The following NCOA1 variants were observed in gnomAD, a reference collection of about 807,000 sequenced individuals.
NCOA1 encodes nuclear receptor coactivator 1.
Under a neutral mutation model 150.9 loss-of-function variants are expected in NCOA1, and 35 were observed. The ratio of observed to expected loss-of-function variants is 0.23; its 90% CI spans 0.18 to 0.31. The LOEUF (loss-of-function observed/expected upper bound fraction) is 0.31, where lower values mean the gene tolerates loss of function less well. Ranked by LOEUF, NCOA1 falls within the 10% of genes least tolerant of loss-of-function variation. The pLI is 1.00. For missense variants in NCOA1, 1,491 were observed against 1,749.3 expected, an observed-to-expected ratio of 0.85 and a Z score of 2.63; for synonymous variants, 590 against 630.0, an observed-to-expected ratio of 0.94 and a Z score of 0.95.
intron 3 of NCOA1, among the ~76,000 whole-genome samples, chr2:24,620,731 CAT>C (rs56376669): frequency 0.065 from 9,962 of 152,142 alleles, 352 homozygotes; most frequent in East Asian, 0.13. Flanking sequence ...CACTGGCTCA[CAT>C]GTATAAAAAT....
rs1405204419 is a variant in NCOA1 at position 24,726,620 on chromosome 2, T to A, written c.2631T>A (p.Asp877Glu). The change falls in exon 15 of 23, where the codon GAT becomes GAA. Residue 877 changes from aspartate (D) to glutamate (E), a missense_variant. Physicochemically the swap from Asp to Glu is conservative, Grantham distance 45. Coordinates refer to ENST00000348332, the MANE Select transcript of NCOA1 (RefSeq NM_003743.5). The stretch of plus-strand genomic sequence containing the variant: ...CTGAGCTGGAATTGGAAGCAATTGA[T>A]AACCAATTTGGACAACCAGGAACAG... ...RLPELELEAIDNQFGQPGTGD... is the reference protein window; with the variant it reads ...RLPELELEAIENQFGQPGTGD... 1.9e-6 allele frequency: 3 copies of A among 1,610,438 alleles called. No homozygotes were observed. The highest frequency in any genetic ancestry group is 2.5e-6 in the Non-Finnish European group (3 of 1,178,188).
Position 24,497,804 on chromosome 2 carries a change from C to G in NCOA1, c.-396+6202C>G, listed in dbSNP as rs10495748. Among the ~76,000 whole-genome samples, 821 of 152,266 alleles carry G rather than the reference C, an allele frequency of 5.4e-3. 11 individuals carry two copies. Among genetic ancestry groups the G allele is most frequent in the African/African-American group, 0.019 (793 of 41,532 alleles). Reference sequence around the variant, plus strand: ...GATTCTTAGCCATAAAATTCTGCCTCTCAAGTTTTGTTGGTATTTAAATAG... The same window carrying G: ...GATTCTTAGCCATAAAATTCTGCCTGTCAAGTTTTGTTGGTATTTAAATAG... On this transcript the variant is annotated intron_variant, in intron 1 of 22. Transcript: ENST00000348332.
At chr2:24,695,666 A>G (rs945147794) in intron 10 of NCOA1, among the ~76,000 whole-genome samples, 3 of 152,180 alleles carry the variant, frequency 2.0e-5, no homozygotes, top group African/African-American at 7.2e-5. Context: ...AAAAAAAGAA[A>G]AAAGTATTTT....
chr2:24,711,008 G>A lies in NCOA1; in HGVS notation c.2496G>A (p.Glu832=), dbSNP rs890292701. Reference sequence around the variant, plus strand: ...CAGCACAGTTGCCAGGCTTATGTGAGACAGACAGGATGGATGGTGCGGTCA... The same window carrying A: ...CAGCACAGTTGCCAGGCTTATGTGAAACAGACAGGATGGATGGTGCGGTCA... ...EKAAQLPGLC[E]TDRMDGAVTS... The change falls in exon 14 of 23, where the codon GAG becomes GAA. Residue 832 remains glutamate, a synonymous_variant. Coordinates refer to ENST00000348332, the MANE Select transcript of NCOA1 (RefSeq NM_003743.5). The A allele has an allele frequency of 3.1e-6, 5 of 1,614,182 alleles. No individual in the cohort carries two copies. The highest frequency in any genetic ancestry group is 4.2e-6 in the Non-Finnish European group (5 of 1,180,022).
At chr2:24,735,605 G>A (rs1164743082) in intron 17 of NCOA1, among the ~76,000 whole-genome samples, 1 of 151,938 alleles carries the variant, frequency 6.6e-6, no homozygotes, top group Non-Finnish European at 1.5e-5. Flanking sequence ...TACTCCTTGT[G>A]TAAAGGAGTA....
intron 3 of NCOA1, among the ~76,000 whole-genome samples, chr2:24,632,307 G>C (rs1197275367): frequency 1.3e-5 from 2 of 152,154 alleles, no homozygotes; most frequent in African/African-American, 4.8e-5. Context: ...AAAAGGCTCG[G>C]ATAGTAGTAG....
chr2:24,751,261 C>T (rs1317167669), intron 19 of NCOA1, among the ~76,000 whole-genome samples: 1 of 150,718 alleles, frequency 6.6e-6, no homozygotes, highest in Non-Finnish European at 1.5e-5. Flanking sequence ...CCACAGCACC[C>T]GGCCACACGT....
At chr2:24,757,465 A>G (rs1159343545) in intron 20 of NCOA1, among the ~76,000 whole-genome samples, 1 of 152,216 alleles carries the variant, frequency 6.6e-6, no homozygotes, top group Non-Finnish European at 1.5e-5. Flanking sequence ...ATGAGAAATA[A>G]GTGGAACAAG....
In NCOA1 at chr2:24,705,196, A is replaced by T; in HGVS notation, c.1060A>T (p.Met354Leu). 1 of 1,614,008 alleles carries T rather than the reference A, an allele frequency of 6.2e-7. No individual in the cohort carries two copies. Residue 354 changes from methionine (M) to leucine (L), a missense_variant, in exon 12 of 23, where the codon ATG (methionine) becomes TTG (leucine). Met to Leu is a conservative substitution (Grantham distance 15, BLOSUM62 2). Transcript: ENST00000348332. Reference protein sequence around the residue: ...CKLCYPQSPDMQPFIMGIHII... With the variant: ...CKLCYPQSPDLQPFIMGIHII... ...ACTTTGCTACCCTCAAAGTCCAGAC[A>T]TGCAACCTTTCATCATGGGAATTCA...
chr2:24,762,624 G>A (rs2148700340), intron 21 of NCOA1, 63 bp from the exon 22 acceptor site: 9 of 1,390,708 alleles, frequency 6.5e-6, no homozygotes, highest in Non-Finnish European at 9.1e-6. Context: ...TTTTTCATTG[G>A]AGAATTTGGT....
chr2:24,618,266 A>G (rs151215993), intron 3 of NCOA1, among the ~76,000 whole-genome samples: 145 of 152,262 alleles, frequency 9.5e-4, no homozygotes, highest in African/African-American at 3.3e-3. Context: ...GCTTAGTTCA[A>G]CTACTCATTA....
At chr2:24,516,953 CAAGT>C (rs377465479) in intron 1 of NCOA1, among the ~76,000 whole-genome samples, 21 of 19,158 alleles carry the variant, frequency 1.1e-3, no homozygotes, top group East Asian at 0.012. Flanking sequence ...CGTATATATA[CAAGT>C]ATATATACGT....
rs1666947727 is a variant in NCOA1, at chr2:24,576,149, G to GTTTTTTTTTGTTTTTTT, written c.-259-8318_-259-8317insGTTTTTTTTTTTTTTTT. On this transcript the variant is annotated intron_variant, in intron 2 of 22. Transcript: ENST00000348332. ...GAGTTTCAGAAATTATTTGGCCTTT[G>GTTTTTTTTTGTTTTTTT]TTTTTTTTTTTTTGTTTTTTGTTTT... Among the ~76,000 whole-genome samples, 74 of 93,984 alleles carry GTTTTTTTTTGTTTTTTT rather than the reference G, an allele frequency of 7.9e-4. 2 individuals carry two copies. The highest frequency in any genetic ancestry group is 1.2e-3 in the Non-Finnish European group (59 of 48,842). 61.7% of individuals were successfully genotyped at this position (93,984 alleles called of 152,430 possible). A position where few individuals can be genotyped will look rare whatever the true frequency, so the allele number is the denominator to read the frequency against.
At chr2:24,579,743 C>T (rs556648989) in intron 2 of NCOA1, among the ~76,000 whole-genome samples, 13 of 152,240 alleles carry the variant, frequency 8.5e-5, no homozygotes, top group Non-Finnish European at 1.5e-4. Flanking sequence ...GAGATAGAGG[C>T]GTCCTGGTAA....
chr2:24,732,600 C>T (rs1663073258), intron 17 of NCOA1, among the ~76,000 whole-genome samples: 1 of 152,076 alleles, frequency 6.6e-6, no homozygotes, highest in South Asian at 2.1e-4. Flanking sequence ...GGTTAAGATG[C>T]TTTCAGCCAC....
chr2:24,653,530 G>A (rs1484620258), intron 4 of NCOA1, among the ~76,000 whole-genome samples: 3 of 151,952 alleles, frequency 2.0e-5, no homozygotes, highest in Non-Finnish European at 2.9e-5. Flanking sequence ...TAGTAAGATA[G>A]GTTAATTGTT....
rs191103947 is a variant in NCOA1, at chr2:24,651,823, C to T, written c.-17-6838C>T. Among the ~76,000 whole-genome samples the T allele has an allele frequency of 7.2e-5, 11 of 152,048 alleles. No individual in the cohort carries two copies. In the South Asian group the frequency reaches 2.3e-3, roughly 31 times the overall value. On this transcript the variant is annotated intron_variant, in intron 4 of 22. Transcript: ENST00000348332. ...TGATTAGGGAAATAGAAATCAAAAC[C>T]ATGAGATACCATTTCACACCCTCAA...
chr2:24,766,271 A>G (rs1404785603), intron 22 of NCOA1, among the ~76,000 whole-genome samples: 3 of 152,218 alleles, frequency 2.0e-5, no homozygotes, highest in Admixed American at 6.5e-5. Flanking sequence ...TGCCTTTATC[A>G]AGAACTTTTT....
At chr2:24,560,042 CT>C (rs1326273972) in intron 1 of NCOA1, among the ~76,000 whole-genome samples, 2 of 152,138 alleles carry the variant, frequency 1.3e-5, no homozygotes, top group Non-Finnish European at 2.9e-5. Flanking sequence ...CACACTTCCC[CT>C]GATGATGAGG....
Sources: allele counts gnomAD v4.1 joint callset (sites outside exome capture counted in the v4.1 genomes callset), GRCh38; gene constraint gnomAD v4.1.1; transcripts MANE v1.5; gene names NCBI Gene and HGNC (gene_info 2026-07-23, HGNC 2026-07-21).